Variants in PARD3B observed in about 807,000 individuals in gnomAD.
The protein encoded by PARD3B is partitioning defective 3 homolog B.
PARD3B carries 103 observed loss-of-function variants against 130.2 expected under a neutral mutation model. The observed-to-expected ratio is 0.79, with a 90% CI of 0.67 to 0.93. The LOEUF (loss-of-function observed/expected upper bound fraction) is 0.93, where lower values mean the gene tolerates loss of function less well. Ranked by LOEUF, PARD3B falls within the 40% of genes least tolerant of loss-of-function variation. PARD3B has a pLI of 0.00. For missense variants in PARD3B, 1,609 were observed against 1,499.2 expected (o/e 1.07, Z -1.21); for synonymous variants, 583 against 553.2 (o/e 1.05, Z -0.76).
intron 5 of PARD3B, among the ~76,000 whole-genome samples, chr2:205,104,886 C>T (rs972081669): frequency 2.6e-5 from 4 of 152,112 alleles, no homozygotes; most frequent in Admixed American, 6.6e-5. Context: ...ACCGGGGAAC[C>T]CTAAATTTAG....
In PARD3B at chr2:205,345,093, AG is replaced by A. The variant is rs1213809250; in HGVS notation, c.2630+43394del. On this transcript the variant is annotated intron_variant, in intron 18 of 22. Transcript: ENST00000406610. The stretch of plus-strand genomic sequence containing the variant: ...GATATCTTTTCCTCACCCATTTGCA[AG>A]GTTCATGGTTGAGATCCCTAAAGCA... Among the ~76,000 whole-genome samples, 4 of 152,202 alleles carry A rather than the reference AG, an allele frequency of 2.6e-5. No individual in the cohort carries two copies. In the South Asian group the frequency reaches 8.3e-4, roughly 31 times the overall value.
At chr2:204,937,404 T>G (rs1688549156) in intron 2 of PARD3B, among the ~76,000 whole-genome samples, 1 of 152,206 alleles carries the variant, frequency 6.6e-6, no homozygotes, top group African/African-American at 2.4e-5. Context: ...ACTGCAAATG[T>G]GCGTTTCCCT....
At chr2:205,524,701 C>A (rs1269695758) in intron 21 of PARD3B, among the ~76,000 whole-genome samples, 1 of 152,160 alleles carries the variant, frequency 6.6e-6, no homozygotes, top group East Asian at 1.9e-4. Flanking sequence ...GCTGCCACTT[C>A]CAACATAACA....
chr2:205,131,319 A>G (rs11899425), intron 10 of PARD3B, among the ~76,000 whole-genome samples: 34,279 of 152,100 alleles, frequency 0.23, 4,181 homozygotes, highest in East Asian at 0.4. Flanking sequence ...ACCTTGCTAT[A>G]TTTTATGTAT....
intron 1 of PARD3B, among the ~76,000 whole-genome samples, chr2:204,593,324 G>A (rs553594508): frequency 6.6e-6 from 1 of 152,284 alleles, no homozygotes; most frequent in South Asian, 2.1e-4. Flanking sequence ...TAGCAGTAGA[G>A]TGGTGGGTAG....
intron 19 of PARD3B, among the ~76,000 whole-genome samples, chr2:205,435,815 GTAAT>G (rs1351114091): frequency 6.6e-6 from 1 of 151,712 alleles, no homozygotes; most frequent in African/African-American, 2.4e-5. Context: ...CATTTTTTCT[GTAAT>G]TATTGTTCCC....
At chr2:204,754,225 T>C (rs141443298) in intron 2 of PARD3B, among the ~76,000 whole-genome samples, 1 of 152,254 alleles carries the variant, frequency 6.6e-6, no homozygotes, top group African/African-American at 2.4e-5. Flanking sequence ...GGTGATTTGG[T>C]TGGTAGGGAT....
chr2:204,693,024 G>C (rs41511746), intron 2 of PARD3B, among the ~76,000 whole-genome samples: 6,877 of 152,068 alleles, frequency 0.045, 435 homozygotes, highest in East Asian at 0.14. Context: ...TACTCAGTTT[G>C]AAGTTGGCTT....
chr2:205,028,161 G>A (rs940931360), intron 3 of PARD3B, among the ~76,000 whole-genome samples: 2 of 152,078 alleles, frequency 1.3e-5, no homozygotes, highest in Admixed American at 6.6e-5. Context: ...ACTTTGGGTA[G>A]TATGGACATT....
At chr2:204,612,923 A>G (rs2125118388) in intron 1 of PARD3B, among the ~76,000 whole-genome samples, 1 of 151,950 alleles carries the variant, frequency 6.6e-6, no homozygotes, top group African/African-American at 2.4e-5. Context: ...CCCATCCCTC[A>G]TTCTCTCTTC....
chr2:205,278,349 A>G (rs1010949885), intron 16 of PARD3B, among the ~76,000 whole-genome samples: 18 of 152,168 alleles, frequency 1.2e-4, no homozygotes, highest in African/African-American at 4.1e-4. Flanking sequence ...GATTTCAGTG[A>G]ATAGATTTTC....
At chr2:205,000,293 G>T (rs996426766) in intron 3 of PARD3B, among the ~76,000 whole-genome samples, 2 of 152,118 alleles carry the variant, frequency 1.3e-5, no homozygotes, top group Non-Finnish European at 2.9e-5. Context: ...GTGTGGCCAC[G>T]GCCTTGTGTT....
chr2:204,860,420 T>A (rs535127286), intron 2 of PARD3B, among the ~76,000 whole-genome samples: 1 of 152,208 alleles, frequency 6.6e-6, no homozygotes, highest in Non-Finnish European at 1.5e-5. Flanking sequence ...AAGCAGAGCT[T>A]GGCAGATGGT....
At chr2:204,731,888 A>ACTTC (rs2039524207) in intron 2 of PARD3B, among the ~76,000 whole-genome samples, 2 of 152,118 alleles carry the variant, frequency 1.3e-5, no homozygotes, top group Non-Finnish European at 2.9e-5. Context: ...AGCTCTGAGC[A>ACTTC]CTTCCAGTGA....
chr2:205,436,545 C>G (rs1236302674), intron 19 of PARD3B, among the ~76,000 whole-genome samples: 1 of 151,918 alleles, frequency 6.6e-6, no homozygotes, highest in Admixed American at 6.6e-5. Flanking sequence ...TAAGTATGAC[C>G]ATTAAATTTA....
At chr2:204,555,681 A>G (rs549034509) in intron 1 of PARD3B, among the ~76,000 whole-genome samples, 1 of 152,282 alleles carries the variant, frequency 6.6e-6, no homozygotes, top group Admixed American at 6.5e-5. Context: ...TGACCTCATC[A>G]TCTACCACAC....
intron 19 of PARD3B, among the ~76,000 whole-genome samples, chr2:205,424,481 G>A (rs2047076489): frequency 6.6e-6 from 1 of 152,140 alleles, no homozygotes; most frequent in Non-Finnish European, 1.5e-5. Flanking sequence ...AGGAAATAGA[G>A]CAGCACATGC....
intron 10 of PARD3B, among the ~76,000 whole-genome samples, chr2:205,157,639 T>C (rs977685509): frequency 1.3e-5 from 2 of 152,190 alleles, no homozygotes; most frequent in African/African-American, 4.8e-5. Flanking sequence ...TTTTTAAATA[T>C]GTAATTTTAC....
intron 16 of PARD3B, among the ~76,000 whole-genome samples, chr2:205,270,409 A>C (rs2040676582): frequency 6.6e-6 from 1 of 152,032 alleles, no homozygotes; most frequent in Non-Finnish European, 1.5e-5. Flanking sequence ...TCTACTAAAA[A>C]TACAAAAATT....
Sources: gnomAD v4.1 joint callset for allele counts (sites outside exome capture counted in the v4.1 genomes callset) on GRCh38, gnomAD v4.1.1 for gene constraint, MANE v1.5 for transcripts, NCBI Gene and HGNC (gene_info 2026-07-23, HGNC 2026-07-21) for gene names.